CCSER1: variants seen among roughly 807,000 people sequenced by gnomAD.
The protein encoded by CCSER1 is serine-rich coiled-coil domain-containing protein 1.
In CCSER1, 41 loss-of-function variants were observed where a neutral mutation model predicts 82.0. That is an observed-to-expected ratio of 0.50 (90% CI 0.39 to 0.65). The LOEUF is 0.65. CCSER1 is among the 30% of genes least tolerant of loss of function. CCSER1 has a pLI of 0.00. For synonymous variants in CCSER1, 414 were observed against 383.9 expected, an observed-to-expected ratio of 1.08 and a Z score of -0.92; for missense variants, 1,119 against 1,064.2, an observed-to-expected ratio of 1.05 and a Z score of -0.72.
chr4:91,134,442 C>CA (rs201646311), intron 10 of CCSER1, among the ~76,000 whole-genome samples: 1 of 150,062 alleles, frequency 6.7e-6, no homozygotes. Context: ...CAAAAACAAA[C>CA]AAAAAAACAA....
At chr4:90,473,280 T>C (rs893631639) in intron 5 of CCSER1, among the ~76,000 whole-genome samples, 1 of 152,220 alleles carries the variant, frequency 6.6e-6, no homozygotes, top group African/African-American at 2.4e-5. Flanking sequence ...AATGTCTGAA[T>C]GAAGGGATTT....
At chr4:91,525,522 T>C (rs1309195117) in intron 10 of CCSER1, among the ~76,000 whole-genome samples, 16 of 152,138 alleles carry the variant, frequency 1.1e-4, no homozygotes, top group Non-Finnish European at 2.4e-4. Context: ...AAACTATGTA[T>C]GGGAAATTGT....
chr4:90,719,497 A>G (rs148872796), intron 6 of CCSER1, among the ~76,000 whole-genome samples: 5 of 152,290 alleles, frequency 3.3e-5, no homozygotes, highest in Non-Finnish European at 5.9e-5. Flanking sequence ...ATTGTTTTCC[A>G]TGAAAACGGT....
intron 8 of CCSER1, among the ~76,000 whole-genome samples, chr4:90,922,163 C>A (rs552984436): frequency 7.2e-5 from 11 of 152,116 alleles, no homozygotes; most frequent in African/African-American, 2.4e-4. Flanking sequence ...TAAAATATTT[C>A]TTTTCTATAT....
At chr4:91,505,981 T>G (rs897475831) in intron 10 of CCSER1, among the ~76,000 whole-genome samples, 1 of 152,208 alleles carries the variant, frequency 6.6e-6, no homozygotes, top group Non-Finnish European at 1.5e-5. Context: ...GCAATTGCTT[T>G]TGATGTTTTT....
At chr4:90,344,549 C>T (rs559118969) in intron 3 of CCSER1, among the ~76,000 whole-genome samples, 56 of 152,032 alleles carry the variant, frequency 3.7e-4, no homozygotes, top group African/African-American at 9.9e-4. Flanking sequence ...ATTGTGAAAT[C>T]GGAAATGCAT....
chr4:91,360,339 C>T (rs968298130), intron 10 of CCSER1, among the ~76,000 whole-genome samples: 1 of 151,564 alleles, frequency 6.6e-6, no homozygotes, highest in Non-Finnish European at 1.5e-5. Flanking sequence ...ACTGTGTAGA[C>T]ATTAAGAGAG....
At chr4:91,167,331 G>T (rs986935454) in intron 10 of CCSER1, among the ~76,000 whole-genome samples, 3 of 151,642 alleles carry the variant, frequency 2.0e-5, no homozygotes, top group African/African-American at 7.3e-5. Context: ...GATTACAAGT[G>T]CCTGCCACCA....
chr4:91,565,025 GTTGTGTGTGTGTGTGT>G (rs1184682970), intron 10 of CCSER1, among the ~76,000 whole-genome samples: 6 of 120,424 alleles, frequency 5.0e-5, no homozygotes, highest in African/African-American at 1.9e-4. Context: ...TGCACCTTGA[GTTGTGTGTGTGTGTGT>G]GTGTGTGTGT....
intron 3 of CCSER1, among the ~76,000 whole-genome samples, chr4:90,368,265 A>G (rs1437208803): frequency 1.3e-5 from 2 of 151,986 alleles, no homozygotes; most frequent in Non-Finnish European, 2.9e-5. Context: ...CCATGGACCC[A>G]TGAGCACTTA....
intron 10 of CCSER1, among the ~76,000 whole-genome samples, chr4:91,299,299 T>A (rs1324546750): frequency 6.6e-6 from 1 of 152,038 alleles, no homozygotes; most frequent in Non-Finnish European, 1.5e-5. Context: ...TCTGTGGATT[T>A]TTAAGTTAAA....
chr4:90,498,835 A>G (rs1016792574), intron 5 of CCSER1, among the ~76,000 whole-genome samples: 20 of 152,162 alleles, frequency 1.3e-4, no homozygotes, highest in Admixed American at 6.6e-5. Flanking sequence ...ATATTGTTTT[A>G]GAGGTTACAG....
chr4:90,350,723 G>A (rs749018522), intron 3 of CCSER1, among the ~76,000 whole-genome samples: 52 of 151,996 alleles, frequency 3.4e-4, no homozygotes, highest in Non-Finnish European at 6.3e-4. Flanking sequence ...TATAAAACGG[G>A]AAAGATGATT....
At chr4:90,289,929 G>C (rs929483905) in intron 1 of CCSER1, among the ~76,000 whole-genome samples, 1 of 151,554 alleles carries the variant, frequency 6.6e-6, no homozygotes, top group African/African-American at 2.4e-5. Context: ...TTAAAATACT[G>C]TAGATTGCCC....
chr4:91,122,256 C>T (rs1727150035), intron 10 of CCSER1, among the ~76,000 whole-genome samples: 1 of 151,644 alleles, frequency 6.6e-6, no homozygotes, highest in African/African-American at 2.4e-5. Flanking sequence ...TTATTCTTAG[C>T]CTACTATCTA....
intron 6 of CCSER1, among the ~76,000 whole-genome samples, chr4:90,631,597 C>T (rs1422967977): frequency 6.6e-6 from 1 of 152,082 alleles, no homozygotes; most frequent in Non-Finnish European, 1.5e-5. Context: ...AAGGATGCCT[C>T]GACAGAGTGT....
chr4:91,252,958 A>G (rs986819943), intron 10 of CCSER1, among the ~76,000 whole-genome samples: 5 of 152,154 alleles, frequency 3.3e-5, no homozygotes, highest in African/African-American at 1.2e-4. Context: ...ATTAGTAACT[A>G]TGTTAAGTGT....
chr4:91,227,289 TA>T lies in CCSER1; in HGVS notation c.2217+141304del, dbSNP rs34669620. Among the ~76,000 whole-genome samples, 21 of 150,120 alleles carry T rather than the reference TA, an allele frequency of 1.4e-4. 1 individual carries two copies. The Middle Eastern group carries it at 0.014, about 99-fold the overall frequency. Reference sequence around the variant, plus strand: ...CTTAAAACAACAGACAATATTTAGTTAAAAAAAAAGGAAACCAGCAAATAAA... The same window carrying T: ...CTTAAAACAACAGACAATATTTAGTTAAAAAAAAGGAAACCAGCAAATAAA... On this transcript the variant is annotated intron_variant, in intron 10 of 10. Transcript: ENST00000509176.
chr4:90,155,678 T>C (rs1727981591), intron 1 of CCSER1, among the ~76,000 whole-genome samples: 1 of 152,236 alleles, frequency 6.6e-6, no homozygotes, highest in African/African-American at 2.4e-5. Flanking sequence ...GAGGTGTTCA[T>C]AGTATTCTCT....
Sources: gnomAD v4.1 joint callset for allele counts (sites outside exome capture counted in the v4.1 genomes callset) on GRCh38, gnomAD v4.1.1 for gene constraint, MANE v1.5 for transcripts, NCBI Gene and HGNC (gene_info 2026-07-23, HGNC 2026-07-21) for gene names.